Variants in MAGI2 observed in about 807,000 individuals in gnomAD.
The protein encoded by MAGI2 is membrane associated guanylate kinase, WW and PDZ domain containing 2.
A neutral mutation model predicts 133.3 loss-of-function variants in MAGI2; 35 were observed. The observed-to-expected ratio is 0.26, with a 90% CI of 0.20 to 0.35. The LOEUF is 0.35. Among genes scored for constraint, MAGI2 ranks in the 10% least tolerant of loss-of-function variants. The pLI, the probability that MAGI2 is intolerant of heterozygous loss-of-function variation, is 1.00. For synonymous variants in MAGI2, 729 were observed against 710.6 expected, an observed-to-expected ratio of 1.03 and a Z score of -0.41; for missense variants, 1,636 against 1,863.4, an observed-to-expected ratio of 0.88 and a Z score of 2.25.
At chr7:78,916,215 T>C (rs944705702) in intron 2 of MAGI2, among the ~76,000 whole-genome samples, 3 of 151,992 alleles carry the variant, frequency 2.0e-5, no homozygotes, top group Non-Finnish European at 4.4e-5. Context: ...TATCTTGGGG[T>C]TTTTTTAAAT....
At chr7:79,186,291 A>C (rs201915907) in intron 1 of MAGI2, among the ~76,000 whole-genome samples, 3 of 144,560 alleles carry the variant, frequency 2.1e-5, no homozygotes, top group South Asian at 2.2e-4. Context: ...TATATATATA[A>C]AGTTTAATGA....
intron 1 of MAGI2, among the ~76,000 whole-genome samples, chr7:79,021,299 A>G (rs1809305521): frequency 6.6e-6 from 1 of 152,188 alleles, no homozygotes. Flanking sequence ...TGAGAAGAGG[A>G]CCACCATCCT....
chr7:78,623,955 T>C (rs1808030063), intron 3 of MAGI2, among the ~76,000 whole-genome samples: 1 of 152,150 alleles, frequency 6.6e-6, no homozygotes, highest in African/African-American at 2.4e-5. Context: ...CCTACCGTTC[T>C]ATCAATTGTA....
intron 14 of MAGI2, among the ~76,000 whole-genome samples, chr7:78,177,564 A>G (rs1826776465): frequency 6.6e-6 from 1 of 152,116 alleles, no homozygotes; most frequent in Non-Finnish European, 1.5e-5. Context: ...CCCTTAATTC[A>G]AATCTGGCTG....
intron 1 of MAGI2, among the ~76,000 whole-genome samples, chr7:79,312,819 C>A (rs1268052414): frequency 1.3e-5 from 2 of 152,104 alleles, no homozygotes; most frequent in Non-Finnish European, 2.9e-5. Context: ...TTAGCTAATT[C>A]TTATCAGAAG....
intron 1 of MAGI2, among the ~76,000 whole-genome samples, chr7:79,443,132 T>A (rs893279231): frequency 1.3e-5 from 2 of 151,740 alleles, no homozygotes; most frequent in Middle Eastern, 6.8e-3. Context: ...ATTAGCCGGG[T>A]GTGATGGTGG....
chr7:78,933,863 A>G (rs564537537), intron 2 of MAGI2, among the ~76,000 whole-genome samples: 123 of 152,268 alleles, frequency 8.1e-4, no homozygotes, highest in African/African-American at 2.7e-3. Context: ...AACATTTTAA[A>G]AAGCCATCTA....
intron 1 of MAGI2, among the ~76,000 whole-genome samples, chr7:79,416,731 C>CTTTTTTT (rs1360457770): frequency 4.6e-5 from 6 of 129,298 alleles, no homozygotes; most frequent in African/African-American, 1.2e-4. Context: ...TTTTCTTTTT[C>CTTTTTTT]TTTTTTTTTT....
intron 7 of MAGI2, among the ~76,000 whole-genome samples, chr7:78,365,059 G>C (rs1793234678): frequency 6.6e-6 from 1 of 152,056 alleles, no homozygotes. Flanking sequence ...AAATAGCTGT[G>C]TGTTGCCTCT....
At chr7:79,399,100 T>C (rs1432331429) in intron 1 of MAGI2, among the ~76,000 whole-genome samples, 7 of 143,136 alleles carry the variant, frequency 4.9e-5, no homozygotes, top group South Asian at 4.7e-4. Context: ...CTTTTCTTTT[T>C]TTTTTTTTTT....
intron 2 of MAGI2, 81 bp downstream of exon 2, chr7:79,007,009 T>A: frequency 9.5e-7 from 1 of 1,056,292 alleles, no homozygotes; most frequent in Non-Finnish European, 1.3e-6. Context: ...AAGTGCAATT[T>A]CACTTTCTTT....
intron 2 of MAGI2, among the ~76,000 whole-genome samples, chr7:78,783,383 G>A (rs1389651515): frequency 4.6e-5 from 7 of 152,204 alleles, no homozygotes; most frequent in Admixed American, 3.9e-4. Flanking sequence ...CCATGTCAGC[G>A]TTATTTTTGG....
At chr7:78,040,025 A>T (rs1335575126) in intron 21 of MAGI2, among the ~76,000 whole-genome samples, 1 of 152,304 alleles carries the variant, frequency 6.6e-6, no homozygotes, top group East Asian at 1.9e-4. Flanking sequence ...GTGTGGGTAG[A>T]GTCACTTAGA....
chr7:78,233,556 A>G (rs1790201685), intron 10 of MAGI2, among the ~76,000 whole-genome samples: 1 of 152,132 alleles, frequency 6.6e-6, no homozygotes. Context: ...GGGTAAATGT[A>G]GGCCCATACT....
At chr7:78,906,469 CA>C (rs536858790) in intron 2 of MAGI2, among the ~76,000 whole-genome samples, 81 of 152,268 alleles carry the variant, frequency 5.3e-4, no homozygotes, top group African/African-American at 1.9e-3. Context: ...TTTTTATCAC[CA>C]TAGAGTAATT....
intron 2 of MAGI2, among the ~76,000 whole-genome samples, chr7:78,806,476 T>A (rs1788585294): frequency 6.6e-6 from 1 of 152,180 alleles, no homozygotes; most frequent in South Asian, 2.1e-4. Flanking sequence ...GACCCAAAGA[T>A]CTTTTAACTT....
chr7:79,172,278 C>G (rs1364437800), intron 1 of MAGI2, among the ~76,000 whole-genome samples: 1 of 152,020 alleles, frequency 6.6e-6, no homozygotes, highest in African/African-American at 2.4e-5. Context: ...AGTTTGATCT[C>G]TTGGTATTTA....
At chr7:78,447,058 G>A (rs1057273754) in intron 6 of MAGI2, among the ~76,000 whole-genome samples, 4 of 152,056 alleles carry the variant, frequency 2.6e-5, no homozygotes, top group African/African-American at 9.7e-5. Context: ...AAAGATTGTA[G>A]CACTGCCCAG....
intron 9 of MAGI2, among the ~76,000 whole-genome samples, chr7:78,337,455 A>G (rs1007173793): frequency 1.3e-5 from 2 of 152,242 alleles, no homozygotes; most frequent in Non-Finnish European, 2.9e-5. Flanking sequence ...TCTCTTGTAC[A>G]GGACCCTGGT....
Sources: allele counts gnomAD v4.1 joint callset (sites outside exome capture counted in the v4.1 genomes callset), GRCh38; gene constraint gnomAD v4.1.1; transcripts MANE v1.5; gene names NCBI Gene and HGNC (gene_info 2026-07-23, HGNC 2026-07-21).